Variants in LY96 observed in about 807,000 individuals in gnomAD.
LY96 encodes lymphocyte antigen 96, also known as myeloid differentiation protein-2.
A neutral mutation model predicts 18.9 loss-of-function variants in LY96; 18 were observed. The observed-to-expected ratio is 0.95, with a 90% CI of 0.66 to 1.41. The LOEUF is 1.41. Ranked by LOEUF, LY96 falls within the 40% of genes most tolerant of loss-of-function variation. The pLI, the probability that LY96 is intolerant of heterozygous loss-of-function variation, is 0.00. For missense variants in LY96, 175 were observed against 182.4 expected (o/e 0.96, Z 0.23); for synonymous variants, 66 against 62.6 (o/e 1.06, Z -0.26).
chr8:74,073,338 A>G, the LY96 span, among the ~76,000 whole-genome samples: 2 of 152,212 alleles, frequency 1.3e-5, no homozygotes, highest in Non-Finnish European at 2.9e-5. Flanking sequence ...AGGGAAAGAA[A>G]GAATTTACAG....
At chr8:74,036,637 C>T in the LY96 span, among the ~76,000 whole-genome samples, 128 of 152,280 alleles carry the variant, frequency 8.4e-4, no homozygotes, top group Non-Finnish European at 1.6e-3. Flanking sequence ...TAGCCCCCAG[C>T]CCACCAAATT....
At chr8:74,022,704 C>T (rs1174626843) in intron 3 of LY96, among the ~76,000 whole-genome samples, 1 of 151,814 alleles carries the variant, frequency 6.6e-6, no homozygotes, top group Admixed American at 6.6e-5. Context: ...CCAGCCTCCC[C>T]AGTAGCTGGG....
intron 3 of LY96, among the ~76,000 whole-genome samples, chr8:74,015,868 C>G (rs965866757): frequency 1.3e-5 from 2 of 152,194 alleles, no homozygotes; most frequent in East Asian, 3.9e-4. Flanking sequence ...AAGCTAACTT[C>G]CTAAGAAAAG....
chr8:74,070,202 C>T, the LY96 span, among the ~76,000 whole-genome samples: 1 of 152,062 alleles, frequency 6.6e-6, no homozygotes, highest in Non-Finnish European at 1.5e-5. Flanking sequence ...GGCCATTCTC[C>T]TGCCTCAGCC....
the LY96 span, among the ~76,000 whole-genome samples, chr8:74,088,650 A>G: frequency 2.0e-5 from 3 of 152,096 alleles, no homozygotes. Flanking sequence ...CAGTGGCACG[A>G]TCTCGGCTCA....
chr8:74,026,336 T>A (rs1476260235), intron 3 of LY96, among the ~76,000 whole-genome samples: 1 of 152,258 alleles, frequency 6.6e-6, no homozygotes, highest in Non-Finnish European at 1.5e-5. Context: ...AAACAGAAGC[T>A]AACTTGAGCT....
intron 3 of LY96, among the ~76,000 whole-genome samples, chr8:74,026,093 T>C (rs1369492620): frequency 6.6e-6 from 1 of 152,234 alleles, no homozygotes; most frequent in Non-Finnish European, 1.5e-5. Flanking sequence ...GAAGTATACA[T>C]GCAGACATTA....
At chr8:74,053,169 C>T in the LY96 span, among the ~76,000 whole-genome samples, 2 of 152,212 alleles carry the variant, frequency 1.3e-5, no homozygotes, top group African/African-American at 4.8e-5. Context: ...TGAGCCCTGA[C>T]TCCTCCTCTA....
rs757852070 is a variant in LY96 at position 74,003,897 on chromosome 8, T to C, written c.113-899T>C. Among the ~76,000 whole-genome samples the C allele has an allele frequency of 8.5e-5, 13 of 152,304 alleles. No individual in the cohort carries two copies. The South Asian group carries it at 1.0e-3, about 12-fold the overall frequency. On this transcript the variant is annotated intron_variant, in intron 1 of 4. Coordinates refer to ENST00000284818, the MANE Select transcript of LY96 (RefSeq NM_015364.5). The stretch of plus-strand genomic sequence containing the variant: ...ACTTCACTATTAGCCTGGTTAGAGA[T>C]TCTGGGGTCCTCTACCAACTCTTTC...
chr8:74,081,425 T>G, the LY96 span, among the ~76,000 whole-genome samples: 1 of 151,404 alleles, frequency 6.6e-6, no homozygotes, highest in African/African-American at 2.4e-5. Flanking sequence ...CTGGCTAATT[T>G]AAAATTTTTT....
At chr8:74,028,924 G>A (rs1335780967) in intron 4 of LY96, 32 bp from the exon 5 acceptor site, 3 of 1,303,170 alleles carry the variant, frequency 2.3e-6, no homozygotes, top group Non-Finnish European at 2.2e-6. Flanking sequence ...CTAACATTTT[G>A]TATTACTTGT....
At chr8:74,060,020 T>C in the LY96 span, among the ~76,000 whole-genome samples, 1 of 152,056 alleles carries the variant, frequency 6.6e-6, no homozygotes, top group Non-Finnish European at 1.5e-5. Flanking sequence ...GCACGAGTGG[T>C]CCCAGCTACT....
Position 74,029,039 on chromosome 8 carries a change from A to G in LY96, c.468A>G (p.Gln156=). Reference sequence around the variant, plus strand: ...GCTTGGAGTTTGTCATCCTACACCAACCTAATTCAAATTAGAATAAATTGA... The same window carrying G: ...GCTTGGAGTTTGTCATCCTACACCAGCCTAATTCAAATTAGAATAAATTGA... ...LFCLEFVILH[Q]PNSN Residue 156 remains glutamine (Q), a synonymous_variant, in exon 5 of 5, where the codon CAA becomes CAG. Transcript: ENST00000284818. 6.2e-7 allele frequency: 1 copy of G among 1,603,190 alleles called. No individual in the cohort carries two copies. The highest frequency in any genetic ancestry group is 1.1e-5 in the South Asian group (1 of 90,640).
At chr8:74,077,819 T>A in the LY96 span, among the ~76,000 whole-genome samples, 16 of 151,830 alleles carry the variant, frequency 1.1e-4, no homozygotes. Flanking sequence ...GTAAAAGAGG[T>A]AACATGGGCC....
chr8:74,002,036 T>G (rs1305924477), intron 1 of LY96, among the ~76,000 whole-genome samples: 1 of 29,564 alleles, frequency 3.4e-5, no homozygotes, highest in African/African-American at 2.4e-4. Flanking sequence ...CCTTCCTTCC[T>G]TCCTTCCTTC....
chr8:74,091,922 C>A, the LY96 span, among the ~76,000 whole-genome samples: 1 of 152,188 alleles, frequency 6.6e-6, no homozygotes. Context: ...TGGTGTGTAG[C>A]TCCTGGATCT....
At chr8:74,073,760 T>C in the LY96 span, among the ~76,000 whole-genome samples, 3 of 151,232 alleles carry the variant, frequency 2.0e-5, no homozygotes, top group Admixed American at 2.0e-4. Context: ...GCCTCCTGGG[T>C]TCAAGCAATT....
intron 1 of LY96, among the ~76,000 whole-genome samples, chr8:73,996,531 C>T (rs1202851265): frequency 6.6e-6 from 1 of 151,660 alleles, no homozygotes; most frequent in East Asian, 1.9e-4. Context: ...GATTTTCGTG[C>T]CTCGGCCTCC....
intron 3 of LY96, among the ~76,000 whole-genome samples, chr8:74,022,720 A>G (rs1816795079): frequency 6.6e-6 from 1 of 151,690 alleles, no homozygotes; most frequent in Non-Finnish European, 1.5e-5. Context: ...CTGGGATTAT[A>G]GGTGCATGCC....
Sources: allele counts gnomAD v4.1 joint callset (sites outside exome capture counted in the v4.1 genomes callset), GRCh38; gene constraint gnomAD v4.1.1; transcripts MANE v1.5; gene names NCBI Gene and HGNC (gene_info 2026-07-23, HGNC 2026-07-21).